The following MCTP2 variants were observed in gnomAD, a reference collection of about 807,000 sequenced individuals.
MCTP2 encodes the protein multiple C2 and transmembrane domain containing 2, also known as multiple C2 and transmembrane domain-containing protein 2.
MCTP2 carries 132 observed loss-of-function variants against 111.6 expected under a neutral mutation model. The observed-to-expected ratio is 1.18, with a 90% CI of 1.03 to 1.37. The LOEUF is 1.37. MCTP2 is among the 40% of genes most tolerant of loss of function. The pLI is 0.00. For synonymous variants in MCTP2, 395 were observed against 387.7 expected (o/e 1.02, Z -0.22); for missense variants, 1,183 against 1,067.9 (o/e 1.11, Z -1.50).
At chr15:94,363,531 C>T (rs775034927) in intron 10 of MCTP2, among the ~76,000 whole-genome samples, 9 of 151,950 alleles carry the variant, frequency 5.9e-5, no homozygotes, top group African/African-American at 1.5e-4. Flanking sequence ...ACATTCTCTC[C>T]GAAAACCTTG....
At chr15:94,386,958 T>C (rs1410315985) in intron 14 of MCTP2, among the ~76,000 whole-genome samples, 1 of 152,100 alleles carries the variant, frequency 6.6e-6, no homozygotes, top group Non-Finnish European at 1.5e-5. Flanking sequence ...TCTTCTTCCC[T>C]CCTTGTAGCC....
At chr15:94,238,468 C>T (rs1245664243) in intron 1 of MCTP2, among the ~76,000 whole-genome samples, 3 of 151,642 alleles carry the variant, frequency 2.0e-5, no homozygotes, top group African/African-American at 7.3e-5. Context: ...TTCTTAGGTG[C>T]TCCAAGTAGA....
chr15:94,479,380 T>C lies in MCTP2; in HGVS notation c.*346T>C, dbSNP rs2074613593. 3.3e-6 allele frequency: 1 copy of C among 302,154 alleles called. No individual in the cohort carries two copies. Among genetic ancestry groups the C allele is most frequent in the African/African-American group, 2.1e-5 (1 of 48,310 alleles). The allele number at this position is 302,154 out of a possible 1,614,324, so 18.7% of individuals were successfully genotyped here. On this transcript the variant is annotated 3_prime_UTR_variant, in exon 23 of 23. Coordinates refer to ENST00000357742, the MANE Select transcript of MCTP2 (RefSeq NM_001385001.1). Reference sequence around the variant, plus strand: ...AGCCCACTTGGATTCAAGAGTGACTTTGAACTTGTTTTCACACCTCCAACA... The same window carrying C: ...AGCCCACTTGGATTCAAGAGTGACTCTGAACTTGTTTTCACACCTCCAACA...
At chr15:94,323,481 GGC>G (rs2076716023) in intron 4 of MCTP2, among the ~76,000 whole-genome samples, 1 of 152,154 alleles carries the variant, frequency 6.6e-6, no homozygotes, top group South Asian at 2.1e-4. Context: ...CTGGAAGTGT[GGC>G]CACATTTAGA....
At chr15:94,396,383 G>A (rs531510688) in intron 14 of MCTP2, among the ~76,000 whole-genome samples, 1 of 152,124 alleles carries the variant, frequency 6.6e-6, no homozygotes, top group South Asian at 2.1e-4. Context: ...GGTTATAAAT[G>A]TAGAAATAAT....
At chr15:94,398,742 T>G (rs149245585) in intron 14 of MCTP2, among the ~76,000 whole-genome samples, 102 of 152,354 alleles carry the variant, frequency 6.7e-4, no homozygotes, top group African/African-American at 2.3e-3. Flanking sequence ...CACACCAGTT[T>G]CAGCCTAGTG....
intron 15 of MCTP2, among the ~76,000 whole-genome samples, chr15:94,399,353 G>C (rs925419808): frequency 6.6e-6 from 1 of 152,196 alleles, no homozygotes; most frequent in Non-Finnish European, 1.5e-5. Context: ...TACAGTTCGT[G>C]TGATGTGGAG....
chr15:94,459,486 G>A (rs952841371), intron 20 of MCTP2, among the ~76,000 whole-genome samples: 3 of 152,146 alleles, frequency 2.0e-5, no homozygotes, highest in Admixed American at 6.5e-5. Context: ...AGTTATAAAT[G>A]ACTTTTAAAC....
intron 10 of MCTP2, among the ~76,000 whole-genome samples, chr15:94,362,897 A>G (rs2079009725): frequency 1.3e-5 from 2 of 152,322 alleles, no homozygotes; most frequent in Non-Finnish European, 2.9e-5. Context: ...CTAAATCAGC[A>G]CATTAACTGC....
At chr15:94,232,986 A>G (rs1359657959) in intron 1 of MCTP2, among the ~76,000 whole-genome samples, 1 of 152,316 alleles carries the variant, frequency 6.6e-6, no homozygotes, top group East Asian at 1.9e-4. Flanking sequence ...GGAGTCCAGT[A>G]ATTTGTACAA....
chr15:94,258,193 G>A (rs867804289), intron 1 of MCTP2, among the ~76,000 whole-genome samples: 1 of 151,990 alleles, frequency 6.6e-6, no homozygotes, highest in African/African-American at 2.4e-5. Flanking sequence ...GAACATTTAT[G>A]TGCTCAAATC....
intron 14 of MCTP2, among the ~76,000 whole-genome samples, chr15:94,386,116 G>A (rs527594337): frequency 6.6e-6 from 1 of 151,796 alleles, no homozygotes; most frequent in Admixed American, 6.6e-5. Flanking sequence ...GGTCCGTGAA[G>A]GAAAAAATAC....
At chr15:94,263,706 A>G (rs1416048549) in intron 1 of MCTP2, among the ~76,000 whole-genome samples, 1 of 152,224 alleles carries the variant, frequency 6.6e-6, no homozygotes, top group African/African-American at 2.4e-5. Flanking sequence ...GAAGAGTTAC[A>G]GTTTGAGAGC....
rs1344307778 is a variant in MCTP2, at chr15:94,482,314, A to G, written c.*3280A>G. 1 of 152,242 alleles carries G rather than the reference A, an allele frequency of 6.6e-6. No individual in the cohort carries two copies. The highest frequency in any genetic ancestry group is 1.5e-5 in the Non-Finnish European group (1 of 68,038). The allele number at this position is 152,242 out of a possible 1,614,324, so 9.4% of individuals were successfully genotyped here. On this transcript the variant is annotated 3_prime_UTR_variant, in exon 23 of 23. Transcript: ENST00000357742. ...TAGCCCTTTGTAGTACTCCTGATAA[A>G]TGAATAACACCCTGGACTTTCAAAT...
intron 1 of MCTP2, among the ~76,000 whole-genome samples, chr15:94,289,909 C>T (rs2074955087): frequency 1.3e-5 from 2 of 152,094 alleles, no homozygotes; most frequent in Non-Finnish European, 2.9e-5. Flanking sequence ...AATCAAGTAA[C>T]ATGAGCCCTT....
intron 19 of MCTP2, among the ~76,000 whole-genome samples, chr15:94,446,705 G>GA (rs1188670026): frequency 1.3e-5 from 2 of 152,032 alleles, no homozygotes; most frequent in African/African-American, 2.4e-5. Flanking sequence ...TGTAATAAAA[G>GA]AAAAAAAGCC....
intron 2 of MCTP2, among the ~76,000 whole-genome samples, chr15:94,302,487 T>C (rs2075665506): frequency 6.6e-6 from 1 of 152,132 alleles, no homozygotes; most frequent in African/African-American, 2.4e-5. Context: ...GCCTAAAATA[T>C]TGCAAATGCC....
intron 1 of MCTP2, among the ~76,000 whole-genome samples, chr15:94,249,357 A>G (rs992971304): frequency 6.6e-6 from 1 of 152,184 alleles, no homozygotes; most frequent in African/African-American, 2.4e-5. Context: ...GTCCTTCTAT[A>G]GGATCTATGG....
At chr15:94,328,735 A>G (rs1047710414) in intron 4 of MCTP2, among the ~76,000 whole-genome samples, 1 of 152,094 alleles carries the variant, frequency 6.6e-6, no homozygotes, top group Non-Finnish European at 1.5e-5. Context: ...AGTAGCAACC[A>G]TGTGTTCGTG....
Sources: gnomAD v4.1 joint callset for allele counts (sites outside exome capture counted in the v4.1 genomes callset) on GRCh38, gnomAD v4.1.1 for gene constraint, MANE v1.5 for transcripts, NCBI Gene and HGNC (gene_info 2026-07-23, HGNC 2026-07-21) for gene names.